Variants in SIPA1L1 observed in about 807,000 individuals in gnomAD.
The protein encoded by SIPA1L1 is signal-induced proliferation-associated 1-like protein 1.
SIPA1L1 carries 26 observed loss-of-function variants against 162.7 expected under a neutral mutation model. The observed-to-expected ratio is 0.16, with a 90% CI of 0.12 to 0.22. The LOEUF (loss-of-function observed/expected upper bound fraction) is 0.22. Among genes scored for constraint, SIPA1L1 ranks in the 10% least tolerant of loss-of-function variants. SIPA1L1 has a pLI of 1.00. For missense variants in SIPA1L1, 1,874 were observed against 2,241.0 expected, an observed-to-expected ratio of 0.84 and a Z score of 3.31; for synonymous variants, 829 against 837.4, an observed-to-expected ratio of 0.99 and a Z score of 0.17.
intron 2 of SIPA1L1, among the ~76,000 whole-genome samples, chr14:71,366,949 T>C (rs1451435566): frequency 1.3e-5 from 2 of 152,318 alleles, no homozygotes; most frequent in Non-Finnish European, 1.5e-5. Context: ...ACAAGAAATA[T>C]ATAAATATGG....
At chr14:71,373,880 A>G (rs2039127870) in intron 2 of SIPA1L1, among the ~76,000 whole-genome samples, 1 of 152,072 alleles carries the variant, frequency 6.6e-6, no homozygotes, top group Non-Finnish European at 1.5e-5. Flanking sequence ...AGCCTGGGTA[A>G]CATAATGAAA....
At chr14:71,615,414 G>C (rs2038719397) in intron 5 of SIPA1L1, among the ~76,000 whole-genome samples, 1 of 152,170 alleles carries the variant, frequency 6.6e-6, no homozygotes, top group South Asian at 2.1e-4. Context: ...AGGGTCATCT[G>C]GCAGGGTGAA....
chr14:71,598,625 A>G (rs552979649), intron 5 of SIPA1L1, among the ~76,000 whole-genome samples: 1 of 152,352 alleles, frequency 6.6e-6, no homozygotes, highest in South Asian at 2.1e-4. Context: ...GATTAAAAAG[A>G]CATAACAACA....
intron 13 of SIPA1L1, among the ~76,000 whole-genome samples, chr14:71,691,830 T>C (rs2081277374): frequency 6.6e-6 from 1 of 152,316 alleles, no homozygotes; most frequent in East Asian, 1.9e-4. Flanking sequence ...TCTCCTCCCA[T>C]TTCTACCTTA....
chr14:71,358,024 C>T (rs1473497107), intron 2 of SIPA1L1, among the ~76,000 whole-genome samples: 1 of 152,092 alleles, frequency 6.6e-6, no homozygotes, highest in Non-Finnish European at 1.5e-5. Context: ...TGTGCCTGGC[C>T]TCTATTTTTT....
At chr14:71,656,213 G>T (rs929886699) in intron 8 of SIPA1L1, among the ~76,000 whole-genome samples, 1 of 152,186 alleles carries the variant, frequency 6.6e-6, no homozygotes, top group African/African-American at 2.4e-5. Context: ...GAGAGAAGGG[G>T]CTAGAAGTAG....
chr14:71,555,485 C>A (rs2056273104), intron 4 of SIPA1L1, among the ~76,000 whole-genome samples: 1 of 152,154 alleles, frequency 6.6e-6, no homozygotes, highest in Non-Finnish European at 1.5e-5. Context: ...TTCTTTCTCT[C>A]CAGAACACTA....
rs116055711 is a variant in SIPA1L1 at position 71,483,401 on chromosome 14, G to T, written c.-464-29342G>T. Among the ~76,000 whole-genome samples, 775 of 152,286 alleles carry T rather than the reference G, an allele frequency of 5.1e-3. 5 individuals carry two copies. The highest frequency in any genetic ancestry group is 0.018 in the African/African-American group (728 of 41,558). On this transcript the variant is annotated intron_variant, in intron 2 of 23. Coordinates refer to ENST00000381232, the MANE Select transcript of SIPA1L1 (RefSeq NM_001386936.1). ...AAATGTCTCCTAATTCATCTTTCATGTACAGTGTTGCTTACAACATTGTAT... is the reference window on the plus strand; with the variant it reads ...AAATGTCTCCTAATTCATCTTTCATTTACAGTGTTGCTTACAACATTGTAT...
rs936483213 is a variant in SIPA1L1 at position 71,395,640 on chromosome 14, G to T, written c.-465+74459G>T. 2.0e-5 allele frequency among the ~76,000 whole-genome samples: 3 copies of T among 152,206 alleles called. No homozygotes were observed. The South Asian group carries it at 6.2e-4, about 32-fold the overall frequency. On this transcript the variant is annotated intron_variant, in intron 2 of 23. Coordinates refer to ENST00000381232, the MANE Select transcript of SIPA1L1 (RefSeq NM_001386936.1). Reference sequence around the variant, plus strand: ...TGCTCTGCTTTGCTCCAGCCTGGGTGGCAGAGCAAGACCCTGTCTCTTGAA... The same window carrying T: ...TGCTCTGCTTTGCTCCAGCCTGGGTTGCAGAGCAAGACCCTGTCTCTTGAA...
At chr14:71,714,106 G>A (rs537674923) in intron 17 of SIPA1L1, among the ~76,000 whole-genome samples, 32 of 152,200 alleles carry the variant, frequency 2.1e-4, no homozygotes, top group African/African-American at 5.8e-4. Context: ...TTGCATCACC[G>A]CATACAATAA....
In SIPA1L1 at chr14:71,587,810, A is replaced by G. The variant is rs2034795829; in HGVS notation, c.-63A>G. On this transcript the variant is annotated 5_prime_UTR_variant, in exon 5 of 24. Coordinates refer to ENST00000381232, the MANE Select transcript of SIPA1L1 (RefSeq NM_001386936.1). ...AAGCCATTCTCCAAAAGGGAAGTGCACATTTAAAACACAGATATGATGGTC... is the reference window on the plus strand; with the variant it reads ...AAGCCATTCTCCAAAAGGGAAGTGCGCATTTAAAACACAGATATGATGGTC... 1 of 1,452,206 alleles carries G rather than the reference A, an allele frequency of 6.9e-7. No individual in the cohort carries two copies. Among genetic ancestry groups the G allele is most frequent in the African/African-American group, 1.4e-5 (1 of 70,810 alleles). The allele number at this position is 1,452,206 out of a possible 1,614,324, so 90.0% of individuals were successfully genotyped here.
rs778447466 is a variant in SIPA1L1 at position 71,709,431 on chromosome 14, C to T, written c.3975C>T (p.Ala1325=). ...GCAGCACAGCCTCGCTGGGGGCTGC[C>T]ACATCGTCACCTCGCTCAGGGCCAG... ...SHGSTASLGA[A]TSSPRSGPGK... Residue 1325 remains alanine (A), a synonymous_variant, in exon 17 of 24, where the codon GCC becomes GCT. Transcript: ENST00000381232. 3.1e-6 allele frequency: 5 copies of T among 1,614,240 alleles called. No homozygotes were observed. The South Asian group carries it at 5.5e-5, about 18-fold the overall frequency.
At chr14:71,433,915 A>G (rs775295435) in intron 2 of SIPA1L1, among the ~76,000 whole-genome samples, 10 of 152,170 alleles carry the variant, frequency 6.6e-5, no homozygotes, top group Non-Finnish European at 1.5e-4. Flanking sequence ...CACAGAGCAA[A>G]ATGTCTAGAA....
chr14:71,601,765 G>A (rs1250935043), intron 5 of SIPA1L1, among the ~76,000 whole-genome samples: 1 of 152,038 alleles, frequency 6.6e-6, no homozygotes, highest in Non-Finnish European at 1.5e-5. Context: ...CTTATAACTT[G>A]TTATTGTTTT....
intron 17 of SIPA1L1, among the ~76,000 whole-genome samples, chr14:71,714,279 A>G (rs760320858): frequency 1.3e-5 from 2 of 152,170 alleles, no homozygotes; most frequent in African/African-American, 2.4e-5. Flanking sequence ...CCACTGAGGA[A>G]GAAATTTCAA....
At chr14:71,619,666 G>C (rs979624411) in intron 6 of SIPA1L1, among the ~76,000 whole-genome samples, 2 of 151,954 alleles carry the variant, frequency 1.3e-5, no homozygotes, top group Admixed American at 6.6e-5. Context: ...ATTCACTTTA[G>C]GATTTTTGTT....
At chr14:71,379,876 CT>C (rs980722268) in intron 2 of SIPA1L1, among the ~76,000 whole-genome samples, 10 of 152,096 alleles carry the variant, frequency 6.6e-5, no homozygotes, top group South Asian at 4.1e-4. Flanking sequence ...TTAATACCGT[CT>C]TTTTTTGTTA....
intron 7 of SIPA1L1, among the ~76,000 whole-genome samples, chr14:71,629,350 T>G (rs540520641): frequency 1.3e-5 from 2 of 152,318 alleles, no homozygotes; most frequent in African/African-American, 4.8e-5. Context: ...GTTCCTGTTT[T>G]ATAGCTAAGA....
At chr14:71,439,872 A>G (rs1461642184) in intron 2 of SIPA1L1, among the ~76,000 whole-genome samples, 2 of 152,236 alleles carry the variant, frequency 1.3e-5, no homozygotes, top group East Asian at 3.8e-4. Flanking sequence ...CAGAACAACC[A>G]TGAGATGTTG....
Sources: allele counts gnomAD v4.1 joint callset (sites outside exome capture counted in the v4.1 genomes callset), GRCh38; gene constraint gnomAD v4.1.1; transcripts MANE v1.5; gene names NCBI Gene and HGNC (gene_info 2026-07-23, HGNC 2026-07-21).